LAMA2: variants seen among roughly 807,000 people sequenced by gnomAD.
LAMA2 encodes the protein laminin subunit alpha 2, also known as laminin subunit alpha-2.
LAMA2 carries 269 observed loss-of-function variants against 364.8 expected under a neutral mutation model. The observed-to-expected ratio is 0.74, with a 90% CI of 0.67 to 0.82. The LOEUF (loss-of-function observed/expected upper bound fraction) is 0.82. LAMA2 is among the 40% of genes least tolerant of loss of function. The pLI is 0.00. For missense variants in LAMA2, 3,807 were observed against 3,873.2 expected, an observed-to-expected ratio of 0.98 and a Z score of 0.45; for synonymous variants, 1,379 against 1,370.6, an observed-to-expected ratio of 1.01 and a Z score of -0.14.
At chr6:128,992,084 T>G (rs1263964772) in intron 1 of LAMA2, among the ~76,000 whole-genome samples, 1 of 152,226 alleles carries the variant, frequency 6.6e-6, no homozygotes, top group East Asian at 1.9e-4. Context: ...TTTATAGATG[T>G]AGCATTCACA....
At chr6:129,210,607 C>A (rs941616839) in intron 12 of LAMA2, among the ~76,000 whole-genome samples, 2 of 152,174 alleles carry the variant, frequency 1.3e-5, no homozygotes, top group Non-Finnish European at 1.5e-5. Context: ...CTAGCTCTTT[C>A]TGAATATGTG....
Position 129,514,502 on chromosome 6 carries a change from A to G in LAMA2, c.9118A>G (p.Thr3040Ala). 2 of 1,614,164 alleles carry G rather than the reference A, an allele frequency of 1.2e-6. No homozygotes were observed. Among genetic ancestry groups the G allele is most frequent in the Non-Finnish European group, 1.7e-6 (2 of 1,180,000 alleles). The stretch of plus-strand genomic sequence containing the variant: ...CAAGATCAAACACCGCATTGAGCTC[A>G]CAGTCGATGGGAACCAGGTGGAAGC... ...ANKIKHRIEL[T>A]VDGNQVEAQS... Residue 3040 changes from threonine (T) to alanine (A), a missense_variant, in exon 64 of 65, where the codon ACA becomes GCA. Coordinates refer to ENST00000421865, the MANE Select transcript of LAMA2 (RefSeq NM_000426.4).
At position 128,934,805 on chromosome 6, in the gene LAMA2, G is replaced by A. The variant is rs558988460; in HGVS notation, c.112+51448G>A. On this transcript the variant is annotated intron_variant, in intron 1 of 64. Coordinates refer to ENST00000421865, the MANE Select transcript of LAMA2 (RefSeq NM_000426.4). Reference sequence around the variant, plus strand: ...ATTACAGGCATAAGCCACTACACCCGGCCATTTTTTCTACATTTTCTAAAA... The same window carrying A: ...ATTACAGGCATAAGCCACTACACCCAGCCATTTTTTCTACATTTTCTAAAA... Among the ~76,000 whole-genome samples, 265 of 152,068 alleles carry A rather than the reference G, an allele frequency of 1.7e-3. 5 individuals are homozygous for A. Among genetic ancestry groups the A allele is most frequent in the Non-Finnish European group, 9.1e-4 (62 of 67,964 alleles).
At chr6:129,065,708 T>G (rs1165423203) in intron 3 of LAMA2, among the ~76,000 whole-genome samples, 1 of 152,198 alleles carries the variant, frequency 6.6e-6, no homozygotes, top group Non-Finnish European at 1.5e-5. Context: ...AGAGGATTGC[T>G]ATGATTTGGC....
chr6:129,108,692 C>G (rs913894011), intron 4 of LAMA2, among the ~76,000 whole-genome samples: 7 of 152,106 alleles, frequency 4.6e-5, no homozygotes, highest in African/African-American at 9.7e-5. Context: ...GATCCACTGA[C>G]CAACATTTCT....
At chr6:129,457,458 T>G (rs968284125) in intron 48 of LAMA2, among the ~76,000 whole-genome samples, 4 of 152,066 alleles carry the variant, frequency 2.6e-5, no homozygotes, top group African/African-American at 9.7e-5. Flanking sequence ...AGGTTGGATT[T>G]CCTCCTCTTC....
chr6:128,958,595 T>C (rs1018863693), intron 1 of LAMA2, among the ~76,000 whole-genome samples: 53 of 152,320 alleles, frequency 3.5e-4, no homozygotes, highest in African/African-American at 1.2e-3. Context: ...TACAATAGGC[T>C]TTATCTTTTG....
At position 129,502,734 on chromosome 6, in the gene LAMA2, A is replaced by G; in HGVS notation, c.8320A>G (p.Ile2774Val). 2 of 1,613,852 alleles carry G rather than the reference A, an allele frequency of 1.2e-6. No individual in the cohort carries two copies. Among genetic ancestry groups the G allele is most frequent in the Non-Finnish European group, 1.7e-6 (2 of 1,179,736 alleles). ...GTTCGGGCTTTCAAGAAACAGTCACATTGCAATTGCATTTGATGACACCAA... is the reference window on the plus strand; with the variant it reads ...GTTCGGGCTTTCAAGAAACAGTCACGTTGCAATTGCATTTGATGACACCAA... ...KQFGLSRNSH[I>V]AIAFDDTKVK... The change falls in exon 59 of 65, where the codon ATT becomes GTT. Residue 2774 changes from isoleucine to valine, a missense_variant. Physicochemically the swap from Ile to Val is conservative, Grantham distance 29. Transcript: ENST00000421865.
chr6:128,965,917 A>G (rs986381384), intron 1 of LAMA2, among the ~76,000 whole-genome samples: 1 of 149,992 alleles, frequency 6.7e-6, no homozygotes, highest in African/African-American at 2.5e-5. Flanking sequence ...TCTTTGTCCC[A>G]TAGTTTCTCT....
chr6:129,256,763 CATATATATATAT>C lies in LAMA2; in HGVS notation c.2097-3922_2097-3911del, dbSNP rs199726173. Among the ~76,000 whole-genome samples, 359 of 87,956 alleles carry C rather than the reference CATATATATATAT, an allele frequency of 4.1e-3. 4 individuals are homozygous for C. The highest frequency in any genetic ancestry group is 5.6e-3 in the Non-Finnish European group (249 of 44,234). The allele number at this position is 87,956 out of a possible 152,430, so 57.7% of individuals were successfully genotyped here. A position where few individuals can be genotyped will look rare whatever the true frequency, so the allele number is the denominator to read the frequency against. On this transcript the variant is annotated intron_variant, in intron 14 of 64. Coordinates refer to ENST00000421865, the MANE Select transcript of LAMA2 (RefSeq NM_000426.4). ...TATATATAAAAAACAAATTATATAG[CATATATATATAT>C]ATATATATATATATATATATATATA...
At chr6:129,401,821 G>T (rs1243321827) in intron 38 of LAMA2, among the ~76,000 whole-genome samples, 1 of 142,884 alleles carries the variant, frequency 7.0e-6, no homozygotes, top group Non-Finnish European at 1.5e-5. Flanking sequence ...GGTCTAAGTT[G>T]GTTTCTTAAA....
intron 1 of LAMA2, among the ~76,000 whole-genome samples, chr6:129,036,444 A>C (rs1242412332): frequency 6.6e-6 from 1 of 152,198 alleles, no homozygotes; most frequent in East Asian, 1.9e-4. Context: ...TATCTACTAT[A>C]TAGAGAAAAC....
intron 1 of LAMA2, among the ~76,000 whole-genome samples, chr6:128,883,712 G>C (rs777879530): frequency 6.6e-6 from 1 of 151,476 alleles, no homozygotes; most frequent in Non-Finnish European, 1.5e-5. Context: ...AGCCCATCCT[G>C]CAGAGAAAGG....
At chr6:128,911,430 C>G (rs193212516) in intron 1 of LAMA2, among the ~76,000 whole-genome samples, 1 of 152,124 alleles carries the variant, frequency 6.6e-6, no homozygotes, top group Non-Finnish European at 1.5e-5. Flanking sequence ...CTTTCTTTGA[C>G]TAGGAAAGGG....
At chr6:128,915,094 G>A (rs909235194) in intron 1 of LAMA2, among the ~76,000 whole-genome samples, 1 of 152,104 alleles carries the variant, frequency 6.6e-6, no homozygotes, top group Non-Finnish European at 1.5e-5. Flanking sequence ...GGTTGAGATG[G>A]CTGAATAGTT....
intron 44 of LAMA2, 78 bp downstream of exon 44, chr6:129,443,146 T>C (rs1782202992): frequency 1.8e-6 from 2 of 1,084,918 alleles, no homozygotes; most frequent in Admixed American, 2.0e-5. Context: ...CAGCTTTGCA[T>C]GTACTATATT....
At chr6:129,505,436 G>A in intron 61 of LAMA2, 81 bp downstream of exon 61, 2 of 1,158,284 alleles carry the variant, frequency 1.7e-6, no homozygotes, top group Admixed American at 1.8e-5. Context: ...TAGGTCACAT[G>A]GGCCCATGAA....
chr6:129,113,475 G>A (rs116547516), intron 4 of LAMA2, among the ~76,000 whole-genome samples: 143 of 152,008 alleles, frequency 9.4e-4, no homozygotes, highest in African/African-American at 3.3e-3. Context: ...AGACAGAAAC[G>A]CCAAAAGTCA....
chr6:129,027,597 T>A (rs1328671456), intron 1 of LAMA2, among the ~76,000 whole-genome samples: 5 of 151,972 alleles, frequency 3.3e-5, no homozygotes, highest in Non-Finnish European at 7.4e-5. Context: ...AACTTGTGTT[T>A]TTTAATGTTA....
Sources: gnomAD v4.1 joint callset for allele counts (sites outside exome capture counted in the v4.1 genomes callset) on GRCh38, gnomAD v4.1.1 for gene constraint, MANE v1.5 for transcripts, NCBI Gene and HGNC (gene_info 2026-07-23, HGNC 2026-07-21) for gene names.